NKTR: variants seen among roughly 807,000 people sequenced by gnomAD.
NKTR encodes the protein natural killer cell triggering receptor, also known as NK-tumor recognition protein.
Under a neutral mutation model 156.3 loss-of-function variants are expected in NKTR, and 67 were observed. The observed-to-expected ratio is 0.43, with a 90% CI of 0.35 to 0.53. The LOEUF (loss-of-function observed/expected upper bound fraction) is 0.53. NKTR is among the 20% of genes least tolerant of loss of function. NKTR has a pLI of 0.01. For synonymous variants in NKTR, 640 were observed against 596.6 expected, an observed-to-expected ratio of 1.07 and a Z score of -1.06; for missense variants, 1,604 against 1,730.9, an observed-to-expected ratio of 0.93 and a Z score of 1.30.
chr3:42,611,732 C>CAAA (rs67202574), intron 2 of NKTR, among the ~76,000 whole-genome samples: 12 of 108,628 alleles, frequency 1.1e-4, no homozygotes, highest in African/African-American at 3.6e-4. Context: ...GACTCTGTCT[C>CAAA]AAAAAAAAAA....
chr3:42,647,919 G>GT lies in NKTR; in HGVS notation c.*1945dup, dbSNP rs1710455568. 6.6e-6 allele frequency: 1 copy of GT among 152,198 alleles called. No individual in the cohort carries two copies. Among genetic ancestry groups the GT allele is most frequent in the East Asian group, 1.9e-4 (1 of 5,184 alleles). The allele number at this position is 152,198 out of a possible 1,614,324, so 9.4% of individuals were successfully genotyped here. Reference sequence around the variant, plus strand: ...AGTGTGGCTGGATTCTCTGCTCAGGGTCTTAAAGGCTGAAATAAGGGTTGG... The same window carrying GT: ...AGTGTGGCTGGATTCTCTGCTCAGGGTTCTTAAAGGCTGAAATAAGGGTTGG... On this transcript the variant is annotated 3_prime_UTR_variant, in exon 17 of 17. Transcript: ENST00000232978.
chr3:42,622,986 ATTG>A (rs1708048887), intron 6 of NKTR, among the ~76,000 whole-genome samples: 1 of 152,058 alleles, frequency 6.6e-6, no homozygotes, highest in Non-Finnish European at 1.5e-5. Flanking sequence ...GCTTCTTGAT[ATTG>A]TTACATACAT....
chr3:42,602,973 TAG>T (rs1705702348), intron 2 of NKTR: 1 of 144,916 alleles, frequency 6.9e-6, no homozygotes, highest in Non-Finnish European at 1.5e-5. Context: ...TTGCAGTGAG[TAG>T]AGATTATACC....
rs929269077 is a variant in NKTR at position 42,600,779 on chromosome 3, G to C, written c.-24+1G>C. The C allele has an allele frequency of 5.3e-6, 2 of 376,854 alleles. No individual in the cohort carries two copies. Among genetic ancestry groups the C allele is most frequent in the African/African-American group, 4.2e-5 (2 of 47,300 alleles). The allele number at this position is 376,854 out of a possible 1,614,324, so 23.3% of individuals were successfully genotyped here. ...CCCGCTCAGGCTGGAGGCCAGCCAGGTGAAGAGCTCGCCCGCATGCGTGCG... is the reference window on the plus strand; with the variant it reads ...CCCGCTCAGGCTGGAGGCCAGCCAGCTGAAGAGCTCGCCCGCATGCGTGCG... On this transcript the variant is annotated splice_donor_variant, in intron 1 of 16. Coordinates refer to ENST00000232978, the MANE Select transcript of NKTR (RefSeq NM_005385.4). LOFTEE classifies it low-confidence loss of function (5UTR_SPLICE).
rs1440708762 is a variant in NKTR, at chr3:42,638,179, A to G, written c.2475A>G (p.Lys825=). The G allele has an allele frequency of 1.9e-6, 3 of 1,612,272 alleles. No individual in the cohort carries two copies. Among genetic ancestry groups the G allele is most frequent in the Non-Finnish European group, 2.5e-6 (3 of 1,179,584 alleles). Residue 825 remains lysine (K), a synonymous_variant, in exon 13 of 17, where the codon AAA becomes AAG. Transcript: ENST00000232978. ...SVQATQSAQE[K]EKQGQMERTH... ...AGGCCACACAGTCAGCCCAGGAAAAAGAGAAGCAGGGCCAAATGGAAAGAA... is the reference window on the plus strand; with the variant it reads ...AGGCCACACAGTCAGCCCAGGAAAAGGAGAAGCAGGGCCAAATGGAAAGAA...
rs146446400 is a variant in NKTR, at chr3:42,639,452, G to A, written c.3748G>A (p.Val1250Met). Residue 1250 changes from valine to methionine, a missense_variant, in exon 13 of 17, where the codon GTG becomes ATG. By Grantham distance (21) the Val-to-Met change is conservative. This residue lies in a region of NKTR where 1,255 missense variants were observed against 1,243.7 expected (regional missense o/e 1.01). Coordinates refer to ENST00000232978, the MANE Select transcript of NKTR (RefSeq NM_005385.4). ...CACATCCAGTGCTGTGGAAGTTAAG[G>A]TGTTGACCACTGTGCCTGAAATGAA... ...AATSSAVEVK[V>M]LTTVPEMKPQ... 38 of 1,614,214 alleles carry A rather than the reference G, an allele frequency of 2.4e-5. No individual in the cohort carries two copies. In the Middle Eastern group the frequency reaches 4.9e-4, roughly 21 times the overall value.
chr3:42,607,969 C>CTTTTTTTTTTTTTTTTTTTTTTTTTT (rs201803926), intron 2 of NKTR, among the ~76,000 whole-genome samples: 5 of 74,970 alleles, frequency 6.7e-5, no homozygotes, highest in Non-Finnish European at 8.8e-5. Flanking sequence ...CTGAGTCGCT[C>CTTTTTTTTTTTTTTTTTTTTTTTTTT]TTTTTTTTTT....
chr3:42,648,615 CA>C lies in NKTR; in HGVS notation c.*2645del, dbSNP rs1462107066. ...TTTATTGCAAATAGCTAGTATCGTTCAAAAACTGTATAAAATACTTTTGTAC... is the reference window on the plus strand; with the variant it reads ...TTTATTGCAAATAGCTAGTATCGTTCAAAACTGTATAAAATACTTTTGTAC... On this transcript the variant is annotated 3_prime_UTR_variant, in exon 17 of 17. Coordinates refer to ENST00000232978, the MANE Select transcript of NKTR (RefSeq NM_005385.4). The C allele has an allele frequency of 6.6e-6, 1 of 152,588 alleles. No homozygotes were observed. The highest frequency in any genetic ancestry group is 2.4e-5 in the African/African-American group (1 of 41,428). 9.5% of individuals were successfully genotyped at this position (152,588 alleles called of 1,614,324 possible).
intron 9 of NKTR, chr3:42,633,310 G>A: frequency 8.8e-7 from 1 of 1,135,786 alleles, no homozygotes; most frequent in Non-Finnish European, 1.1e-6. Flanking sequence ...CTAAAGTACT[G>A]GGATTACAGG....
chr3:42,645,465 G>A (rs143072215), intron 16 of NKTR, among the ~76,000 whole-genome samples: 18 of 152,156 alleles, frequency 1.2e-4, no homozygotes, highest in African/African-American at 3.1e-4. Flanking sequence ...CAGGTGGATC[G>A]TCTGAGGTCA....
At chr3:42,630,405 A>C (rs898035514) in intron 6 of NKTR, 141 bp from the exon 7 acceptor site, 87 of 1,490,250 alleles carry the variant, frequency 5.8e-5, no homozygotes, top group Non-Finnish European at 7.6e-5. Context: ...TTAAGGTTAG[A>C]TATATATCAT....
intron 2 of NKTR, chr3:42,601,497 C>CT (rs1705463072): frequency 1.3e-5 from 2 of 153,204 alleles, no homozygotes; most frequent in Admixed American, 1.3e-4. Context: ...AATTTTGCCT[C>CT]TATTTTTCCT....
rs10712209 is a variant in NKTR, at chr3:42,618,997, CTTTTTTTT to C, written c.134-12_134-5del. ...ATGTATAAATAATTAAACTTCATTTCTTTTTTTTTTTTTTTTTTCCAGGAGAGAAAGGC... is the reference window on the plus strand; with the variant it reads ...ATGTATAAATAATTAAACTTCATTTCTTTTTTTTTTCCAGGAGAGAAAGGC... On this transcript the variant is annotated splice_polypyrimidine_tract_variant and intron_variant, in intron 3 of 16. Transcript: ENST00000232978. 13 of 1,355,228 alleles carry C rather than the reference CTTTTTTTT, an allele frequency of 9.6e-6. No homozygotes were observed. The African/African-American group carries it at 1.5e-4, about 15-fold the overall frequency. The allele number at this position is 1,355,228 out of a possible 1,614,324, so 84.0% of individuals were successfully genotyped here.
chr3:42,621,460 G>C lies in NKTR; in HGVS notation c.318G>C (p.Ala106=). 3 of 1,609,652 alleles carry C rather than the reference G, an allele frequency of 1.9e-6. No homozygotes were observed. Among genetic ancestry groups the C allele is most frequent in the Non-Finnish European group, 2.5e-6 (3 of 1,177,636 alleles). Reference sequence around the variant, plus strand: ...ACTTTATTCTCAAACATGACAGAGCGTTCCTTTTATCAATGGCAAATCGAG... The same window carrying C: ...ACTTTATTCTCAAACATGACAGAGCCTTCCTTTTATCAATGGCAAATCGAG... ...DENFILKHDR[A]FLLSMANRGK... is the part of the protein sequence containing the mutation. The change falls in exon 6 of 17, where the codon GCG becomes GCC. Residue 106 remains alanine, a synonymous_variant. Coordinates refer to ENST00000232978, the MANE Select transcript of NKTR (RefSeq NM_005385.4).
At position 42,647,302 on chromosome 3, in the gene NKTR, GGTT is replaced by G. The variant is rs1297968741; in HGVS notation, c.*1328_*1330del. On this transcript the variant is annotated 3_prime_UTR_variant, in exon 17 of 17. Coordinates refer to ENST00000232978, the MANE Select transcript of NKTR (RefSeq NM_005385.4). ...TGTGTGTGTGTGTGTGTGTGTGTGT[GGTT>G]TTTTTTTTTAATCTTTACTTTGAAT... 2.4e-5 allele frequency: 3 copies of G among 123,364 alleles called. No homozygotes were observed. The highest frequency in any genetic ancestry group is 2.6e-4 in the East Asian group (1 of 3,910). 7.6% of individuals were successfully genotyped at this position (123,364 alleles called of 1,614,324 possible). A position where few individuals can be genotyped will look rare whatever the true frequency, so the allele number is the denominator to read the frequency against.
In NKTR at chr3:42,638,594, T is replaced by C. The variant is rs1709619488; in HGVS notation, c.2890T>C (p.Cys964Arg). The C allele has an allele frequency of 1.2e-6, 2 of 1,613,936 alleles. No homozygotes were observed. Among genetic ancestry groups the C allele is most frequent in the African/African-American group, 2.7e-5 (2 of 74,900 alleles). Residue 964 changes from cysteine to arginine, a missense_variant, in exon 13 of 17, where the codon TGT (cysteine) becomes CGT (arginine). Transcript: ENST00000232978. ...ATCAACTTCTGACTCTGAGGGGTCC[T>C]GTTCCAATTCGGAAAACAATAGGGG... ...RTSTSDSEGS[C>R]SNSENNRGKP... is the part of the protein sequence containing the mutation.
intron 12 of NKTR, among the ~76,000 whole-genome samples, chr3:42,636,204 C>G (rs1400191343): frequency 6.6e-6 from 1 of 152,066 alleles, no homozygotes; most frequent in Non-Finnish European, 1.5e-5. Context: ...CTGGGGACAT[C>G]CTGCAGAGTG....
chr3:42,619,307 A>G (rs1707693907), intron 4 of NKTR, 180 bp downstream of exon 4: 2 of 1,382,520 alleles, frequency 1.4e-6, no homozygotes, highest in South Asian at 3.5e-5. Context: ...AGTACCACGT[A>G]AGACATTTTA....
intron 11 of NKTR, 190 bp from the exon 12 acceptor site, chr3:42,635,031 C>T: frequency 2.3e-6 from 1 of 438,210 alleles, no homozygotes; most frequent in East Asian, 3.5e-5. Context: ...ATAACTTCAC[C>T]TGAACCTAAA....
Sources: gnomAD v4.1 joint callset for allele counts (sites outside exome capture counted in the v4.1 genomes callset) on GRCh38, gnomAD v4.1.1 for gene constraint, gnomAD v4.1.1 regional missense constraint, MANE v1.5 for transcripts, NCBI Gene and HGNC (gene_info 2026-07-23, HGNC 2026-07-21) for gene names.